Variants in KLHL25 observed in about 807,000 individuals in gnomAD.
KLHL25 encodes kelch like family member 25, also known as kelch-like protein 25.
A neutral mutation model predicts 30.0 loss-of-function variants in KLHL25; 41 were observed. The ratio of observed to expected loss-of-function variants is 1.37; its 90% confidence interval spans 1.07 to 1.78. KLHL25 has a LOEUF of 1.78. Among genes scored for constraint, KLHL25 ranks in the 40% most tolerant of loss-of-function variants. KLHL25 has a pLI of 0.00. For synonymous variants in KLHL25, 399 were observed against 355.3 expected (o/e 1.12, Z -1.38); for missense variants, 971 against 824.5 (o/e 1.18, Z -2.18).
intron 2 of KLHL25, chr15:85,764,209 C>T (rs1275227276): frequency 6.6e-6 from 1 of 152,340 alleles, no homozygotes; most frequent in Non-Finnish European, 1.5e-5. Context: ...GCCCAGCTCA[C>T]TCCCTGCCTT....
intron 2 of KLHL25, chr15:85,762,876 G>A (rs1236756345): frequency 6.6e-6 from 1 of 152,354 alleles, no homozygotes; most frequent in African/African-American, 2.4e-5. Context: ...TCCTGCAGCA[G>A]TGACGGAGCC....
chr15:85,775,468 C>T (rs1473155280), intron 1 of KLHL25, among the ~76,000 whole-genome samples: 1 of 152,156 alleles, frequency 6.6e-6, no homozygotes, highest in African/African-American at 2.4e-5. Context: ...CAAGTATGCA[C>T]TGGGTGCATC....
chr15:85,768,917 G>A lies in KLHL25; in HGVS notation c.894C>T (p.Leu298=), dbSNP rs2089646831. Residue 298 remains leucine, a synonymous_variant, in exon 2 of 3, where the codon CTC becomes CTT. Coordinates refer to ENST00000337975, the MANE Select transcript of KLHL25 (RefSeq NM_022480.4). ...ARPRKAGHTL[L]ILGGQTFMCD... ...ACATGAAGGTCTGGCCCCCCAGGAT[G>A]AGTAGCGTGTGGCCCGCCTTGCGTG... The A allele has an allele frequency of 2.5e-6, 4 of 1,613,242 alleles. No homozygotes were observed. The Admixed American group carries it at 5.0e-5, about 20-fold the overall frequency.
Position 85,769,049 on chromosome 15 carries a change from G to A in KLHL25, c.762C>T (p.Ala254=). The change falls in exon 2 of 3, where the codon GCC becomes GCT. Residue 254 remains alanine, a synonymous_variant. Coordinates refer to ENST00000337975, the MANE Select transcript of KLHL25 (RefSeq NM_022480.4). ...DCLQEAVSSE[A]LLMADERTKL... is the part of the protein sequence containing the mutation. ...TGGTGCGCTCGTCTGCCATGAGGAG[G>A]GCCTCGCTGGAGACGGCCTCCTGCA... The A allele has an allele frequency of 6.2e-7, 1 of 1,607,054 alleles. No homozygotes were observed. The highest frequency in any genetic ancestry group is 8.5e-7 in the Non-Finnish European group (1 of 1,176,282).
At chr15:85,770,499 C>T (rs767291997) in intron 1 of KLHL25, 27 of 534,136 alleles carry the variant, frequency 5.1e-5, no homozygotes, top group Middle Eastern at 3.2e-4. Context: ...GAACAAGAGC[C>T]GCCATCAAGG....
chr15:85,777,457 G>A (rs1375819545), intron 1 of KLHL25, among the ~76,000 whole-genome samples: 1 of 152,190 alleles, frequency 6.6e-6, no homozygotes, highest in South Asian at 2.1e-4. Flanking sequence ...TCTACACATG[G>A]CCCTACCCGT....
At chr15:85,765,170 A>AG (rs972873820) in intron 2 of KLHL25, among the ~76,000 whole-genome samples, 20 of 152,132 alleles carry the variant, frequency 1.3e-4, no homozygotes, top group African/African-American at 4.8e-4. Context: ...CTGGGGTGGG[A>AG]GGGGCCTCCA....
chr15:85,790,158 C>T (rs1003419911), intron 1 of KLHL25, among the ~76,000 whole-genome samples: 7 of 152,182 alleles, frequency 4.6e-5, no homozygotes, highest in Admixed American at 2.0e-4. Flanking sequence ...GGTGCAATCT[C>T]GGCTCGCTGC....
intron 1 of KLHL25, among the ~76,000 whole-genome samples, chr15:85,774,032 C>T (rs2089694145): frequency 6.6e-6 from 1 of 152,094 alleles, no homozygotes; most frequent in Non-Finnish European, 1.5e-5. Flanking sequence ...GTGTTCAGTA[C>T]CAGTGACATA....
chr15:85,772,282 G>C (rs560223310), intron 1 of KLHL25, among the ~76,000 whole-genome samples: 2 of 152,290 alleles, frequency 1.3e-5, no homozygotes, highest in East Asian at 3.9e-4. Context: ...CACGTTCAAG[G>C]GCCCTGATGC....
intron 1 of KLHL25, among the ~76,000 whole-genome samples, chr15:85,785,243 A>C (rs2089773479): frequency 6.6e-6 from 1 of 151,732 alleles, no homozygotes; most frequent in African/African-American, 2.4e-5. Context: ...ACAGGCGCCC[A>C]CCACGACGTC....
intron 1 of KLHL25, among the ~76,000 whole-genome samples, chr15:85,793,279 C>G (rs2089829248): frequency 6.6e-6 from 1 of 152,158 alleles, no homozygotes; most frequent in Non-Finnish European, 1.5e-5. Flanking sequence ...CAACTGCAGC[C>G]CAAGACCCCA....
chr15:85,761,312 A>G (rs1278850974), intron 2 of KLHL25: 2 of 152,226 alleles, frequency 1.3e-5, no homozygotes, highest in African/African-American at 4.8e-5. Context: ...ACTTGATTCG[A>G]ATGGCCAGGC....
intron 1 of KLHL25, among the ~76,000 whole-genome samples, chr15:85,780,522 C>T (rs1425260012): frequency 2.0e-5 from 3 of 152,196 alleles, no homozygotes; most frequent in Non-Finnish European, 2.9e-5. Context: ...GCACTCTGGC[C>T]TAGATATCAC....
chr15:85,783,404 A>G (rs1387349678), intron 1 of KLHL25, among the ~76,000 whole-genome samples: 1 of 151,786 alleles, frequency 6.6e-6, no homozygotes, highest in Non-Finnish European at 1.5e-5. Context: ...ATATTTAAAC[A>G]TCTTAGGCCA....
At position 85,768,870 on chromosome 15, in the gene KLHL25, T is replaced by C. The variant is rs369686041; in HGVS notation, c.941A>G (p.Asp314Gly). The C allele has an allele frequency of 6.2e-7, 1 of 1,613,332 alleles. No homozygotes were observed. The highest frequency in any genetic ancestry group is 2.2e-5 in the East Asian group (1 of 44,874). ...TFMCDKIYQVDHKAKEIIPKA... is the reference protein window; with the variant it reads ...TFMCDKIYQVGHKAKEIIPKA... ...GGGGATGATCTCCTTGGCCTTGTGGTCCACCTGGTAGATCTTGTCACACAT... is the reference window on the plus strand; with the variant it reads ...GGGGATGATCTCCTTGGCCTTGTGGCCCACCTGGTAGATCTTGTCACACAT... The change falls in exon 2 of 3, where the codon GAC becomes GGC. Residue 314 changes from aspartate to glycine, a missense_variant. Coordinates refer to ENST00000337975, the MANE Select transcript of KLHL25 (RefSeq NM_022480.4).
rs570458516 is a variant in KLHL25 at position 85,785,097 on chromosome 15, T to TC, written c.-11+9668_-11+9669insG. Among the ~76,000 whole-genome samples, 172 of 150,606 alleles carry TC rather than the reference T, an allele frequency of 1.1e-3. 1 individual carries two copies. Among genetic ancestry groups the TC allele is most frequent in the African/African-American group, 4.0e-3 (166 of 41,130 alleles). On this transcript the variant is annotated intron_variant, in intron 1 of 2. Transcript: ENST00000337975. ...GAGACTGATGTATTTCTTTTTTCTT[T>TC]TTTTTTTTTTTTCTGAGACAGTGTC...
Position 85,768,011 on chromosome 15 carries a change from A to T in KLHL25, c.*24+6T>A, listed in dbSNP as rs963118813. ...CCAGAGTGGCCGTGGGCTGCCAGGG[A>T]CTCACCTGGCTGGGCTCAGCAGGTG... On this transcript the variant is annotated splice_donor_region_variant and intron_variant, in intron 2 of 2. Transcript: ENST00000337975. 2.5e-6 allele frequency: 4 copies of T among 1,575,976 alleles called. No individual in the cohort carries two copies. The highest frequency in any genetic ancestry group is 2.7e-5 in the African/African-American group (2 of 74,208).
At chr15:85,770,259 T>C (rs989492160) in intron 1 of KLHL25, among the ~76,000 whole-genome samples, 3 of 152,214 alleles carry the variant, frequency 2.0e-5, no homozygotes, top group African/African-American at 7.2e-5. Context: ...ATTTTAGAGC[T>C]AGGGAAGCCA....
Sources: gnomAD v4.1 joint callset for allele counts (sites outside exome capture counted in the v4.1 genomes callset) on GRCh38, gnomAD v4.1.1 for gene constraint, MANE v1.5 for transcripts, NCBI Gene and HGNC (gene_info 2026-07-23, HGNC 2026-07-21) for gene names.